The following FBXO15 variants were observed in gnomAD, a reference collection of about 807,000 sequenced individuals.
The protein encoded by FBXO15 is F-box only protein 15.
In FBXO15, 30 loss-of-function variants were observed where a neutral mutation model predicts 49.5. The ratio of observed to expected loss-of-function variants is 0.61; its 90% CI spans 0.45 to 0.82. The LOEUF is 0.82. FBXO15 is among the 40% of genes least tolerant of loss of function. The probability of loss-of-function intolerance (pLI) is 0.00; values close to 1 mark genes in which losing one functional copy is unlikely to be tolerated. For missense variants in FBXO15, 591 were observed against 631.5 expected (o/e 0.94, Z 0.69); for synonymous variants, 250 against 232.7 (o/e 1.07, Z -0.68).
chr18:74,136,372 C>T (rs1331760073), intron 2 of FBXO15, among the ~76,000 whole-genome samples: 9 of 152,152 alleles, frequency 5.9e-5, no homozygotes, highest in Non-Finnish European at 1.0e-4. Context: ...TGTGCAATTT[C>T]ACCATGTTGC....
chr18:74,110,677 T>G (rs1361396079), intron 8 of FBXO15, among the ~76,000 whole-genome samples: 3 of 150,986 alleles, frequency 2.0e-5, no homozygotes, highest in Admixed American at 2.0e-4. Flanking sequence ...AGAAACTCAC[T>G]TTAAATGTAA....
At chr18:74,096,400 C>A (rs1913275754) in intron 8 of FBXO15, among the ~76,000 whole-genome samples, 1 of 152,004 alleles carries the variant, frequency 6.6e-6, no homozygotes, top group Non-Finnish European at 1.5e-5. Context: ...CCTCCTGCAT[C>A]TGAGACAAGT....
chr18:74,104,748 T>G (rs1913675058), intron 8 of FBXO15, among the ~76,000 whole-genome samples: 1 of 152,134 alleles, frequency 6.6e-6, no homozygotes, highest in Admixed American at 6.5e-5. Context: ...ATTATAAATA[T>G]CTGTGCATCC....
intron 9 of FBXO15, among the ~76,000 whole-genome samples, chr18:74,078,336 C>CT (rs1379876940): frequency 6.7e-6 from 1 of 149,178 alleles, no homozygotes; most frequent in African/African-American, 2.5e-5. Context: ...AAGGCCCCCC[C>CT]CCGACCTGCC....
chr18:74,104,695 C>T (rs577734269), intron 8 of FBXO15, among the ~76,000 whole-genome samples: 1 of 152,130 alleles, frequency 6.6e-6, no homozygotes, highest in East Asian at 1.9e-4. Flanking sequence ...AAGAAGGTCA[C>T]TAAATAATGA....
chr18:74,110,628 T>C (rs1389187034), intron 8 of FBXO15, among the ~76,000 whole-genome samples: 1 of 149,688 alleles, frequency 6.7e-6, no homozygotes, highest in Non-Finnish European at 1.5e-5. Flanking sequence ...TCAGAGTTGG[T>C]AGAAAAAAAA....
chr18:74,109,414 A>G (rs1321829605), intron 8 of FBXO15, among the ~76,000 whole-genome samples: 2 of 152,242 alleles, frequency 1.3e-5, no homozygotes, highest in Middle Eastern at 3.2e-3. Flanking sequence ...TGTGGAAGAC[A>G]GTGTGGCAAT....
At chr18:74,128,304 C>A (rs1399287992) in intron 5 of FBXO15, among the ~76,000 whole-genome samples, 1 of 149,992 alleles carries the variant, frequency 6.7e-6, no homozygotes, top group Admixed American at 6.7e-5. Context: ...TGGAGAGGAG[C>A]CAAAAACAAG....
rs1912122241 is a variant in FBXO15, at chr18:74,073,548, G to A, written c.1446C>T (p.Ile482=). 6.2e-7 allele frequency: 1 copy of A among 1,614,052 alleles called. No individual in the cohort carries two copies. Among genetic ancestry groups the A allele is most frequent in the Non-Finnish European group, 8.5e-7 (1 of 1,180,042 alleles). Residue 482 remains isoleucine, a synonymous_variant, in exon 10 of 10, where the codon ATC becomes ATT. Coordinates refer to ENST00000419743, the MANE Select transcript of FBXO15 (RefSeq NM_001142958.2). Reference sequence around the variant, plus strand: ...CAATAAGGTATTCTTCGGTCTCTCTGATCCACACCAGCTCCACGTGCACTC... The same window carrying A: ...CAATAAGGTATTCTTCGGTCTCTCTAATCCACACCAGCTCCACGTGCACTC... ...EGRVHVELVW[I]RETEEYLIVN...
chr18:74,082,023 G>A lies in FBXO15; in HGVS notation c.1167C>T (p.Leu389=), dbSNP rs939791193. The change falls in exon 9 of 10, where the codon CTC becomes CTT. Residue 389 remains leucine, a synonymous_variant. Coordinates refer to ENST00000419743, the MANE Select transcript of FBXO15 (RefSeq NM_001142958.2). The part of the protein sequence containing the change: ...RGNIENGHVK[L]IVIHLKNNRE... ...TGTTATTTTTTAAATGTATAACAAT[G>A]AGCTTCACATGTCCATTTTCAATAT... 6.2e-7 allele frequency: 1 copy of A among 1,611,832 alleles called. No homozygotes were observed. The highest frequency in any genetic ancestry group is 1.7e-5 in the Admixed American group (1 of 59,644).
intron 8 of FBXO15, among the ~76,000 whole-genome samples, chr18:74,093,326 G>A (rs1183426946): frequency 6.6e-6 from 1 of 151,982 alleles, no homozygotes; most frequent in Non-Finnish European, 1.5e-5. Context: ...TCTGCAATGA[G>A]GAATGAATGC....
chr18:74,091,429 T>C (rs1198174726), intron 8 of FBXO15, among the ~76,000 whole-genome samples: 1 of 152,214 alleles, frequency 6.6e-6, no homozygotes, highest in East Asian at 1.9e-4. Flanking sequence ...GATTTGTTGC[T>C]GTCATCATGT....
chr18:74,129,971 G>A (rs955211019), intron 4 of FBXO15, among the ~76,000 whole-genome samples: 6 of 152,090 alleles, frequency 3.9e-5, no homozygotes, highest in Non-Finnish European at 8.8e-5. Context: ...CTCTGTCTCC[G>A]CAAGAAATTG....
intron 1 of FBXO15, among the ~76,000 whole-genome samples, chr18:74,146,319 C>T (rs547158696): frequency 1.5e-4 from 23 of 152,342 alleles, no homozygotes; most frequent in Non-Finnish European, 2.6e-4. Flanking sequence ...GTCAATCATT[C>T]TATTTTTAGC....
intron 8 of FBXO15, among the ~76,000 whole-genome samples, chr18:74,085,483 C>A (rs1912697676): frequency 6.6e-6 from 1 of 152,174 alleles, no homozygotes; most frequent in Non-Finnish European, 1.5e-5. Context: ...ATCCCAGCTA[C>A]TCAGGAGGCT....
intron 2 of FBXO15, 47 bp from the exon 3 acceptor site, chr18:74,135,913 G>T (rs201340665): frequency 1.4e-6 from 2 of 1,475,854 alleles, no homozygotes; most frequent in Admixed American, 1.9e-5. Flanking sequence ...GTGGACCAGG[G>T]CTTAATCTGC....
Position 74,147,819 on chromosome 18 carries a change from G to T in FBXO15, c.-34C>A. ...GGAGTTCACCACAGGACCGCGCCAG[G>T]GCTGAAACGAAGAGTGCACGCACCG... On this transcript the variant is annotated 5_prime_UTR_variant, in exon 1 of 10. Transcript: ENST00000419743. 1 of 1,483,342 alleles carries T rather than the reference G, an allele frequency of 6.7e-7. No homozygotes were observed. The highest frequency in any genetic ancestry group is 9.0e-7 in the Non-Finnish European group (1 of 1,116,936). The allele number at this position is 1,483,342 out of a possible 1,614,324, so 91.9% of individuals were successfully genotyped here. A position where few individuals can be genotyped will look rare whatever the true frequency, so the allele number is the denominator to read the frequency against.
At chr18:74,146,444 C>G (rs1156861425) in intron 1 of FBXO15, among the ~76,000 whole-genome samples, 2 of 152,168 alleles carry the variant, frequency 1.3e-5, no homozygotes, top group Non-Finnish European at 1.5e-5. Flanking sequence ...AGGAAGTTCA[C>G]TCAACTTACA....
rs958945653 is a variant in FBXO15 at position 74,075,366 on chromosome 18, C to T, written c.1264-1636G>A. On this transcript the variant is annotated intron_variant, in intron 9 of 9. Coordinates refer to ENST00000419743, the MANE Select transcript of FBXO15 (RefSeq NM_001142958.2). The surrounding 1 kb of genome is among the most constrained non-coding windows in gnomAD (Gnocchi z 4.1). ...CCTCCCGGGTGTGGCCCAGTAACCT[C>T]CTGCTGCAGCGTAGCCCATCTTGCA... is the stretch of plus-strand genomic sequence containing the variant. Among the ~76,000 whole-genome samples the T allele has an allele frequency of 6.6e-6, 1 of 152,234 alleles. No individual in the cohort carries two copies. Among genetic ancestry groups the T allele is most frequent in the African/African-American group, 2.4e-5 (1 of 41,464 alleles).
Sources: gnomAD v4.1 joint callset for allele counts (sites outside exome capture counted in the v4.1 genomes callset) on GRCh38, gnomAD v4.1.1 for gene constraint, Gnocchi (gnomAD v3.1) non-coding constraint, MANE v1.5 for transcripts, NCBI Gene and HGNC (gene_info 2026-07-23, HGNC 2026-07-21) for gene names.